The following BTBD1 variants were observed in gnomAD, a reference collection of about 807,000 sequenced individuals.
BTBD1 encodes the protein BTB domain containing 1.
In BTBD1, 34 loss-of-function variants were observed where a neutral mutation model predicts 48.0. The observed-to-expected ratio is 0.71, with a 90% CI of 0.54 to 0.94. BTBD1 has a LOEUF of 0.94. Ranked by LOEUF, BTBD1 falls within the 40% of genes least tolerant of loss-of-function variation. The pLI, the probability that BTBD1 is intolerant of heterozygous loss-of-function variation, is 0.00. For missense variants in BTBD1, 543 were observed against 625.6 expected (o/e 0.87, Z 1.41); for synonymous variants, 261 against 242.1 (o/e 1.08, Z -0.72).
intron 1 of BTBD1, among the ~76,000 whole-genome samples, chr15:83,057,278 T>C (rs532139626): frequency 6.6e-5 from 10 of 152,296 alleles, no homozygotes; most frequent in South Asian, 4.1e-4. Flanking sequence ...CAAGAGGAAA[T>C]AGACTGCTTG....
At position 83,056,483 on chromosome 15, in the gene BTBD1, G is replaced by T; in HGVS notation, c.464C>A (p.Ala155Asp). ...PETVMTTLYT[A>D]KKYAVPALEA... Reference sequence around the variant, plus strand: ...CAAGGCTGGGACTGCGTATTTCTTGGCAGTATAAAGAGTGGTCATAACTGT... The same window carrying T: ...CAAGGCTGGGACTGCGTATTTCTTGTCAGTATAAAGAGTGGTCATAACTGT... The change falls in exon 2 of 8, where the codon GCC becomes GAC. Residue 155 changes from alanine to aspartate, a missense_variant. Around this residue, in one of 3 missense-constraint regions of BTBD1, gnomAD observed 70 missense variants for 111.7 expected, o/e 0.63. Coordinates refer to ENST00000261721, the MANE Select transcript of BTBD1 (RefSeq NM_025238.4). 6 of 1,613,026 alleles carry T rather than the reference G, an allele frequency of 3.7e-6. No homozygotes were observed. Among genetic ancestry groups the T allele is most frequent in the Non-Finnish European group, 5.1e-6 (6 of 1,179,082 alleles).
At chr15:83,041,686 T>TC (rs759180693) in intron 4 of BTBD1, 42 bp downstream of exon 4, 1 of 1,589,422 alleles carries the variant, frequency 6.3e-7, no homozygotes, top group Non-Finnish European at 8.6e-7. Flanking sequence ...GACAGACTAT[T>TC]AAAACAGTTT....
chr15:83,024,601 T>C (rs1372606143), intron 5 of BTBD1, among the ~76,000 whole-genome samples: 1 of 152,186 alleles, frequency 6.6e-6, no homozygotes, highest in Non-Finnish European at 1.5e-5. Context: ...AGGATCTAAC[T>C]TAATTTTCCC....
chr15:83,019,697 C>G (rs534649340), intron 6 of BTBD1, among the ~76,000 whole-genome samples: 51 of 150,318 alleles, frequency 3.4e-4, no homozygotes, highest in African/African-American at 1.2e-3. Flanking sequence ...CCAGTTCAAG[C>G]AATTCTCCTA....
chr15:83,045,689 T>C (rs1430628322), intron 3 of BTBD1, among the ~76,000 whole-genome samples: 3 of 152,094 alleles, frequency 2.0e-5, no homozygotes, highest in Non-Finnish European at 4.4e-5. Flanking sequence ...AAAATCAAAC[T>C]TTAGTATCTC....
rs1030722579 is a variant in BTBD1 at position 83,045,073 on chromosome 15, A to G, written c.665-3148T>C. Among the ~76,000 whole-genome samples, 6 of 152,362 alleles carry G rather than the reference A, an allele frequency of 3.9e-5. No individual in the cohort carries two copies. In the South Asian group the frequency reaches 1.2e-3, roughly 32 times the overall value. On this transcript the variant is annotated intron_variant, in intron 3 of 7. Coordinates refer to ENST00000261721, the MANE Select transcript of BTBD1 (RefSeq NM_025238.4). ...AAACAGGCACTTCTATGAAATATCTAATAGTTATACTTTAAATTAAATTTA... is the reference window on the plus strand; with the variant it reads ...AAACAGGCACTTCTATGAAATATCTGATAGTTATACTTTAAATTAAATTTA...
At chr15:83,030,405 T>C in intron 4 of BTBD1, 77 bp from the exon 5 acceptor site, 2 of 1,254,240 alleles carry the variant, frequency 1.6e-6, no homozygotes. Flanking sequence ...TTAACGTAAA[T>C]TCAAATCTAG....
intron 4 of BTBD1, among the ~76,000 whole-genome samples, chr15:83,040,266 T>TAA (rs2032724856): frequency 6.6e-6 from 1 of 152,072 alleles, no homozygotes; most frequent in Non-Finnish European, 1.5e-5. Flanking sequence ...GGAAAAGAGT[T>TAA]AAAAAACTAA....
In BTBD1 at chr15:83,067,033, A is replaced by G. The variant is rs575678115; in HGVS notation, c.119T>C (p.Leu40Pro). 1.9e-6 allele frequency: 3 copies of G among 1,581,496 alleles called. No individual in the cohort carries two copies. The African/African-American group carries it at 4.2e-5, about 22-fold the overall frequency. Reference sequence around the variant, plus strand: ...CCAGTTGTAGAGAGGTTCCCGCTGCAGGGGGAGCAGGGGCCCCAGAGAGGA... The same window carrying G: ...CCAGTTGTAGAGAGGTTCCCGCTGCGGGGGGAGCAGGGGCCCCAGAGAGGA... ...SPSSLGPLLP[L>P]QREPLYNWQA... The change falls in exon 1 of 8, where the codon CTG becomes CCG. Residue 40 changes from leucine to proline, a missense_variant. Coordinates refer to ENST00000261721, the MANE Select transcript of BTBD1 (RefSeq NM_025238.4).
At chr15:83,024,544 A>T (rs2032367776) in intron 5 of BTBD1, among the ~76,000 whole-genome samples, 1 of 152,228 alleles carries the variant, frequency 6.6e-6, no homozygotes, top group Non-Finnish European at 1.5e-5. Context: ...AGTTTTGTTT[A>T]ATGTTAAAAT....
At chr15:83,065,251 G>T (rs1320507596) in intron 1 of BTBD1, among the ~76,000 whole-genome samples, 2 of 152,186 alleles carry the variant, frequency 1.3e-5, no homozygotes, top group East Asian at 3.8e-4. Context: ...TTCCAAAAGG[G>T]TTTTTACCAC....
chr15:83,044,010 T>C (rs1023996301), intron 3 of BTBD1, among the ~76,000 whole-genome samples: 4 of 152,052 alleles, frequency 2.6e-5, no homozygotes, highest in Non-Finnish European at 5.9e-5. Context: ...GAGGCTAATA[T>C]ACTAGAATGA....
Position 83,017,991 on chromosome 15 carries a change from A to T in BTBD1, c.*76T>A. 1 of 969,230 alleles carries T rather than the reference A, an allele frequency of 1.0e-6. No homozygotes were observed. Among genetic ancestry groups the T allele is most frequent in the Non-Finnish European group, 1.5e-6 (1 of 678,546 alleles). 60.0% of individuals were successfully genotyped at this position (969,230 alleles called of 1,614,324 possible). A position where few individuals can be genotyped will look rare whatever the true frequency, so the allele number is the denominator to read the frequency against. On this transcript the variant is annotated 3_prime_UTR_variant, in exon 8 of 8. Transcript: ENST00000261721. ...TTTAAATATTCATAACACTCAAACT[A>T]CTTTTTTGTGGCCATTTATGTTTTT...
intron 4 of BTBD1, among the ~76,000 whole-genome samples, chr15:83,035,935 T>TA (rs2032618178): frequency 6.6e-6 from 1 of 151,726 alleles, no homozygotes; most frequent in African/African-American, 2.4e-5. Context: ...TCAGTAGTCA[T>TA]AAAAATACAT....
At chr15:83,035,965 A>G (rs1356556832) in intron 4 of BTBD1, among the ~76,000 whole-genome samples, 1 of 151,950 alleles carries the variant, frequency 6.6e-6, no homozygotes, top group Non-Finnish European at 1.5e-5. Flanking sequence ...AGCAAATTAA[A>G]TCCAGTAATA....
At chr15:83,026,202 T>C (rs1436457491) in intron 5 of BTBD1, among the ~76,000 whole-genome samples, 1 of 152,162 alleles carries the variant, frequency 6.6e-6, no homozygotes, top group Non-Finnish European at 1.5e-5. Flanking sequence ...TTAAATATAC[T>C]TTTTATAAGT....
At chr15:83,020,384 A>G in intron 6 of BTBD1, 1 of 250,694 alleles carries the variant, frequency 4.0e-6, no homozygotes, top group Non-Finnish European at 7.5e-6. Context: ...AGGGCCATGA[A>G]AAAGGCAGGA....
chr15:83,061,353 A>G (rs1406390015), intron 1 of BTBD1: 1 of 152,230 alleles, frequency 6.6e-6, no homozygotes, highest in Non-Finnish European at 1.5e-5. Flanking sequence ...GCACGCAACT[A>G]TAGTCTGGTA....
Position 83,017,067 on chromosome 15 carries a change from T to C in BTBD1, c.*1000A>G, listed in dbSNP as rs915971384. 6.6e-6 allele frequency: 1 copy of C among 152,628 alleles called. No individual in the cohort carries two copies. The highest frequency in any genetic ancestry group is 2.4e-5 in the African/African-American group (1 of 41,442). 9.5% of individuals were successfully genotyped at this position (152,628 alleles called of 1,614,324 possible). ...CCTATCCCCAACACAGCTGTAACAC[T>C]GACTAATGGGGTCATGACCATGAAG... On this transcript the variant is annotated 3_prime_UTR_variant, in exon 8 of 8. Transcript: ENST00000261721.
Sources: allele counts gnomAD v4.1 joint callset (sites outside exome capture counted in the v4.1 genomes callset), GRCh38; gene constraint gnomAD v4.1.1; regional missense constraint gnomAD v4.1.1; transcripts MANE v1.5; gene names NCBI Gene and HGNC (gene_info 2026-07-23, HGNC 2026-07-21).